The following BORCS5 variants were observed in gnomAD, a reference collection of about 807,000 sequenced individuals.
The protein encoded by BORCS5 is BLOC-1 related complex subunit 5, also known as BLOC-1-related complex subunit 5.
BORCS5 carries 17 observed loss-of-function variants against 22.1 expected under a neutral mutation model. The observed-to-expected ratio is 0.77, with a 90% CI of 0.53 to 1.15. The LOEUF is 1.15. BORCS5 is among the 50% of genes most tolerant of loss of function. The probability of loss-of-function intolerance (pLI) is 0.00; values close to 1 mark genes in which losing one functional copy is unlikely to be tolerated. For synonymous variants in BORCS5, 117 were observed against 99.8 expected (o/e 1.17, Z -1.03); for missense variants, 247 against 253.2 (o/e 0.98, Z 0.17).
At chr12:12,463,484 A>G (rs1382753494) in intron 3 of BORCS5, among the ~76,000 whole-genome samples, 1 of 152,202 alleles carries the variant, frequency 6.6e-6, no homozygotes, top group Non-Finnish European at 1.5e-5. Context: ...AAATATGTGT[A>G]AAAGAGGGGA....
intron 2 of BORCS5, among the ~76,000 whole-genome samples, chr12:12,427,911 C>T (rs1047246246): frequency 3.3e-5 from 5 of 152,238 alleles, no homozygotes; most frequent in African/African-American, 1.2e-4. Flanking sequence ...CACTAAGGTC[C>T]CCACCTCCTA....
In BORCS5 at chr12:12,361,190, G is replaced by A. The variant is rs1247759345; in HGVS notation, c.59-16G>A. 2 of 1,612,754 alleles carry A rather than the reference G, an allele frequency of 1.2e-6. No homozygotes were observed. Among genetic ancestry groups the A allele is most frequent in the Middle Eastern group, 1.7e-4 (1 of 6,056 alleles). ...GCCTAATATGCATCTCCTAAGCAGT[G>A]TAACTTTATTTTCAGTGACTCCTTC... On this transcript the variant is annotated splice_polypyrimidine_tract_variant and intron_variant, in intron 1 of 3. Transcript: ENST00000314565.
intron 2 of BORCS5, among the ~76,000 whole-genome samples, chr12:12,419,026 A>T (rs1338814841): frequency 1.3e-5 from 2 of 151,426 alleles, no homozygotes; most frequent in Admixed American, 1.3e-4. Context: ...CCTTTTGTGT[A>T]TGTTATATAG....
chr12:12,376,941 C>T (rs966729196), intron 2 of BORCS5, among the ~76,000 whole-genome samples: 3 of 152,154 alleles, frequency 2.0e-5, no homozygotes, highest in African/African-American at 7.2e-5. Context: ...AAAACTAAGT[C>T]ACAGCTTGCT....
chr12:12,421,391 G>T (rs1032287970), intron 2 of BORCS5, among the ~76,000 whole-genome samples: 4 of 152,190 alleles, frequency 2.6e-5, no homozygotes, highest in African/African-American at 9.7e-5. Context: ...TGCATCCCAG[G>T]GATGAAGCCG....
chr12:12,466,574 G>GA lies in BORCS5; in HGVS notation c.*804dup, dbSNP rs1432867019. On this transcript the variant is annotated 3_prime_UTR_variant, in exon 4 of 4. Transcript: ENST00000314565. ...AGCCTCAGGCCTTCATTTCTGAAAA[G>GA]AAAAAAGCTCAAAAAGCTGCTGAAT... 1 of 152,158 alleles carries GA rather than the reference G, an allele frequency of 6.6e-6. No homozygotes were observed. The highest frequency in any genetic ancestry group is 2.1e-4 in the South Asian group (1 of 4,824). 9.4% of individuals were successfully genotyped at this position (152,158 alleles called of 1,614,324 possible). A position where few individuals can be genotyped will look rare whatever the true frequency, so the allele number is the denominator to read the frequency against.
At chr12:12,418,584 G>A (rs1476708133) in intron 2 of BORCS5, among the ~76,000 whole-genome samples, 1 of 152,182 alleles carries the variant, frequency 6.6e-6, no homozygotes, top group Non-Finnish European at 1.5e-5. Context: ...CTACTTGGGA[G>A]TCTAAGGCAG....
At chr12:12,406,271 T>G (rs1464084023) in intron 2 of BORCS5, among the ~76,000 whole-genome samples, 1 of 152,232 alleles carries the variant, frequency 6.6e-6, no homozygotes, top group African/African-American at 2.4e-5. Context: ...GAGTAGAAGT[T>G]GAGATTATTT....
intron 3 of BORCS5, among the ~76,000 whole-genome samples, chr12:12,459,464 C>G (rs1943062064): frequency 1.3e-5 from 2 of 152,072 alleles, no homozygotes; most frequent in African/African-American, 2.4e-5. Context: ...GCATGCACCA[C>G]CACCTCCAGC....
chr12:12,452,634 A>G (rs1408004247), intron 3 of BORCS5, among the ~76,000 whole-genome samples: 3 of 152,184 alleles, frequency 2.0e-5, no homozygotes, highest in African/African-American at 4.8e-5. Flanking sequence ...ATTGCAAACT[A>G]CTGTCTTCAG....
chr12:12,462,069 A>G (rs1012066661), intron 3 of BORCS5, among the ~76,000 whole-genome samples: 5 of 152,192 alleles, frequency 3.3e-5, no homozygotes, highest in Admixed American at 6.5e-5. Flanking sequence ...TGTGGGTGTA[A>G]GTAGTTTTGG....
intron 3 of BORCS5, among the ~76,000 whole-genome samples, chr12:12,441,710 CA>C (rs202109827): frequency 0.045 from 4,914 of 110,012 alleles, 265 homozygotes; most frequent in African/African-American, 0.18. Context: ...AGAGGCAAGG[CA>C]AAAAAAAAAT....
At position 12,381,105 on chromosome 12, in the gene BORCS5, G is replaced by A. The variant is rs138149193; in HGVS notation, c.202+19756G>A. Among the ~76,000 whole-genome samples the A allele has an allele frequency of 8.1e-3, 1,208 of 148,634 alleles. 38 individuals are homozygous for A. The highest frequency in any genetic ancestry group is 0.028 in the African/African-American group (1,106 of 39,962). ...CAGCTCACTGCAAACTCCACCTCCT[G>A]GGTTCAAGCAGTTCTCCTGCCTTAG... On this transcript the variant is annotated intron_variant, in intron 2 of 3. Coordinates refer to ENST00000314565, the MANE Select transcript of BORCS5 (RefSeq NM_058169.6).
intron 2 of BORCS5, among the ~76,000 whole-genome samples, chr12:12,422,307 A>G (rs1942152199): frequency 6.6e-6 from 1 of 151,786 alleles, no homozygotes; most frequent in Admixed American, 6.6e-5. Flanking sequence ...TTAAGTGAAA[A>G]CAAGTTTATT....
chr12:12,439,821 T>C (rs1942645533), intron 3 of BORCS5, among the ~76,000 whole-genome samples: 1 of 152,190 alleles, frequency 6.6e-6, no homozygotes, highest in Non-Finnish European at 1.5e-5. Flanking sequence ...GTCTTATCTC[T>C]GTTGGTGAGT....
chr12:12,446,132 C>T (rs937196116), intron 3 of BORCS5, among the ~76,000 whole-genome samples: 4 of 151,784 alleles, frequency 2.6e-5, no homozygotes, highest in Admixed American at 6.6e-5. Context: ...TTGTAGGTGT[C>T]GAGGAAATAT....
intron 3 of BORCS5, among the ~76,000 whole-genome samples, chr12:12,457,768 C>G (rs1386030336): frequency 6.6e-6 from 1 of 152,216 alleles, no homozygotes; most frequent in Non-Finnish European, 1.5e-5. Context: ...AAAGCTCTGG[C>G]TCAATCTTGA....
rs566431348 is a variant in BORCS5 at position 12,465,811 on chromosome 12, G to C, written c.*35G>C. On this transcript the variant is annotated 3_prime_UTR_variant, in exon 4 of 4. Transcript: ENST00000314565. Reference sequence around the variant, plus strand: ...GGCCTGCCTGGGGCTGGGAGCCCCAGACACCGACACCCTGAGGACGTGTGG... The same window carrying C: ...GGCCTGCCTGGGGCTGGGAGCCCCACACACCGACACCCTGAGGACGTGTGG... 6.4e-7 allele frequency: 1 copy of C among 1,562,282 alleles called. No individual in the cohort carries two copies. The highest frequency in any genetic ancestry group is 1.1e-5 in the South Asian group (1 of 89,144).
rs1213993644 is a variant in BORCS5 at position 12,466,637 on chromosome 12, C to G, written c.*861C>G. On this transcript the variant is annotated 3_prime_UTR_variant, in exon 4 of 4. Transcript: ENST00000314565. Reference sequence around the variant, plus strand: ...TTAGGAAAGGAAGTTATTTGAGTAACAACAAAAGTGCTTAGTGTCGTACTT... The same window carrying G: ...TTAGGAAAGGAAGTTATTTGAGTAAGAACAAAAGTGCTTAGTGTCGTACTT... The G allele has an allele frequency of 6.6e-6, 1 of 152,094 alleles. No individual in the cohort carries two copies. Among genetic ancestry groups the G allele is most frequent in the African/African-American group, 2.4e-5 (1 of 41,410 alleles). The allele number at this position is 152,094 out of a possible 1,614,324, so 9.4% of individuals were successfully genotyped here.
Sources: gnomAD v4.1 joint callset for allele counts (sites outside exome capture counted in the v4.1 genomes callset) on GRCh38, gnomAD v4.1.1 for gene constraint, MANE v1.5 for transcripts, NCBI Gene and HGNC (gene_info 2026-07-23, HGNC 2026-07-21) for gene names.